The following MOCOS variants were observed in gnomAD, a reference collection of about 807,000 sequenced individuals.
MOCOS encodes the protein molybdenum cofactor sulfurase, also known as human molybdenum cofactor sulfurase.
In MOCOS, 86 loss-of-function variants were observed where a neutral mutation model predicts 83.6. The observed-to-expected ratio is 1.03, with a 90% confidence interval of 0.86 to 1.23. The LOEUF (loss-of-function observed/expected upper bound fraction) is 1.23, where lower values mean the gene tolerates loss of function less well. Among genes scored for constraint, MOCOS ranks in the 50% most tolerant of loss-of-function variants. The pLI is 0.00. For missense variants in MOCOS, 1,120 were observed against 1,126.9 expected, an observed-to-expected ratio of 0.99 and a Z score of 0.09; for synonymous variants, 445 against 434.7, an observed-to-expected ratio of 1.02 and a Z score of -0.29.
At chr18:36,231,599 A>G (rs1052894285) in intron 9 of MOCOS, among the ~76,000 whole-genome samples, 4 of 152,198 alleles carry the variant, frequency 2.6e-5, no homozygotes, top group Non-Finnish European at 1.5e-5. Flanking sequence ...TGATTGATGC[A>G]GGAATCCAAT....
intron 9 of MOCOS, among the ~76,000 whole-genome samples, chr18:36,229,512 G>C (rs150433074): frequency 6.6e-6 from 1 of 152,036 alleles, no homozygotes; most frequent in East Asian, 1.9e-4. Flanking sequence ...GGTATCTGTT[G>C]GGCTTTTTGA....
intron 13 of MOCOS, among the ~76,000 whole-genome samples, chr18:36,260,462 G>A (rs1176486492): frequency 6.6e-6 from 1 of 152,158 alleles, no homozygotes; most frequent in Non-Finnish European, 1.5e-5. Context: ...CTTAAACTCT[G>A]GTTTTTTGGA....
At chr18:36,243,035 G>A (rs970402340) in intron 9 of MOCOS, among the ~76,000 whole-genome samples, 4 of 152,058 alleles carry the variant, frequency 2.6e-5, no homozygotes, top group African/African-American at 9.7e-5. Flanking sequence ...TTTTGCAGCT[G>A]TGGTAAAAGG....
chr18:36,265,132 AC>A (rs1442928096), intron 13 of MOCOS, among the ~76,000 whole-genome samples: 1 of 111,872 alleles, frequency 8.9e-6, no homozygotes. Flanking sequence ...AGACGCTGTT[AC>A]TGGGCAAATG....
chr18:36,193,358 T>TAAAAAAA (rs2091374391), intron 1 of MOCOS, among the ~76,000 whole-genome samples: 1 of 119,880 alleles, frequency 8.3e-6, no homozygotes, highest in Non-Finnish European at 1.7e-5. Flanking sequence ...AAAAAAAAGT[T>TAAAAAAA]ACAGAATGAG....
intron 11 of MOCOS, among the ~76,000 whole-genome samples, chr18:36,252,143 GATGA>G: frequency 6.6e-6 from 1 of 152,116 alleles, no homozygotes; most frequent in South Asian, 2.1e-4. Flanking sequence ...TACATGGCTA[GATGA>G]ATGAATGAAT....
chr18:36,229,783 T>C (rs575059253), intron 9 of MOCOS, among the ~76,000 whole-genome samples: 1 of 152,150 alleles, frequency 6.6e-6, no homozygotes, highest in East Asian at 1.9e-4. Flanking sequence ...TCTAGTCTGC[T>C]GTTGAACCTC....
intron 9 of MOCOS, among the ~76,000 whole-genome samples, chr18:36,228,265 G>T (rs114312281): frequency 0.023 from 3,535 of 152,290 alleles, 113 homozygotes; most frequent in East Asian, 0.13. Context: ...GTGGAAGATA[G>T]TCTGGTGATT....
intron 9 of MOCOS, among the ~76,000 whole-genome samples, chr18:36,247,279 C>T (rs2091606005): frequency 6.6e-6 from 1 of 152,218 alleles, no homozygotes; most frequent in Non-Finnish European, 1.5e-5. Context: ...AGGCTACAAG[C>T]CTCCTGCTGA....
At chr18:36,207,430 G>GT (rs887867798) in intron 6 of MOCOS, among the ~76,000 whole-genome samples, 57 of 151,326 alleles carry the variant, frequency 3.8e-4, no homozygotes, top group African/African-American at 8.7e-4. Context: ...GTGTATAAGT[G>GT]TTTTTTTTTA....
At position 36,213,846 on chromosome 18, in the gene MOCOS, T is replaced by C. The variant is rs1322482681; in HGVS notation, c.1335+364T>C. Among the ~76,000 whole-genome samples the C allele has an allele frequency of 2.6e-5, 4 of 151,918 alleles. 1 individual carries two copies. The highest frequency in any genetic ancestry group is 2.6e-4 in the Admixed American group (4 of 15,276). On this transcript the variant is annotated intron_variant, in intron 7 of 14. Transcript: ENST00000261326. ...TGGGAGGCTGAGGCAGGAGAATCGTTTGAGCCCAGGAGGCAGAGGTTGCAG... is the reference window on the plus strand; with the variant it reads ...TGGGAGGCTGAGGCAGGAGAATCGTCTGAGCCCAGGAGGCAGAGGTTGCAG...
intron 13 of MOCOS, among the ~76,000 whole-genome samples, chr18:36,261,378 A>T (rs55927109): frequency 3.2e-4 from 24 of 75,850 alleles, no homozygotes; most frequent in Middle Eastern, 0.014. Context: ...TTCCAAAATT[A>T]AAAAAAAAAT....
chr18:36,236,294 G>A (rs1426822375), intron 9 of MOCOS, among the ~76,000 whole-genome samples: 736 of 52,858 alleles, frequency 0.014, no homozygotes, highest in East Asian at 0.022. Context: ...AATCCATCTT[G>A]AATTGATTTT....
chr18:36,190,279 T>A (rs2091359898), intron 1 of MOCOS: 1 of 152,216 alleles, frequency 6.6e-6, no homozygotes, highest in African/African-American at 2.4e-5. Context: ...AGTATCTTTT[T>A]GGACTAGCTC....
intron 2 of MOCOS, among the ~76,000 whole-genome samples, chr18:36,197,251 T>A (rs1011090526): frequency 8.5e-5 from 13 of 152,122 alleles, no homozygotes; most frequent in African/African-American, 3.1e-4. Context: ...TTAGATTAAG[T>A]GGCGTTCATG....
chr18:36,237,799 A>AGTTGGTAAG (rs1568062039), intron 9 of MOCOS, among the ~76,000 whole-genome samples: 5 of 149,762 alleles, frequency 3.3e-5, no homozygotes, highest in Admixed American at 2.0e-4. Context: ...GATTATTGCC[A>AGTTGGTAAG]CAATTTCAGC....
Position 36,251,233 on chromosome 18 carries a change from T to G in MOCOS, c.2114T>G (p.Ile705Ser). 2.5e-6 allele frequency: 4 copies of G among 1,614,012 alleles called. No individual in the cohort carries two copies. The highest frequency in any genetic ancestry group is 1.3e-5 in the African/African-American group (1 of 75,032). The change falls in exon 11 of 15, where the codon ATC becomes AGC. Residue 705 changes from isoleucine (I) to serine (S), a missense_variant. Ile to Ser is a moderately radical substitution (Grantham distance 142, BLOSUM62 -2). Transcript: ENST00000261326. ...STFFGRPCHLIKQSSNSQRNA... is the reference protein window; with the variant it reads ...STFFGRPCHLSKQSSNSQRNA... ...TTTTTTGGCCGTCCTTGTCATTTGA[T>G]CAAACAAAGTTCAAACTCTCAAAGG...
chr18:36,227,998 C>A (rs28842490), intron 9 of MOCOS, among the ~76,000 whole-genome samples: 8,703 of 151,982 alleles, frequency 0.057, 839 homozygotes, highest in African/African-American at 0.2. Flanking sequence ...CAAGAAACAA[C>A]CCCATAAAAA....
At chr18:36,209,802 G>A (rs1347181859) in intron 6 of MOCOS, among the ~76,000 whole-genome samples, 1 of 152,178 alleles carries the variant, frequency 6.6e-6, no homozygotes, top group Admixed American at 6.5e-5. Context: ...ATAAACATGT[G>A]TGCGTGTGTC....
Sources: allele counts gnomAD v4.1 joint callset (sites outside exome capture counted in the v4.1 genomes callset), GRCh38; gene constraint gnomAD v4.1.1; transcripts MANE v1.5; gene names NCBI Gene and HGNC (gene_info 2026-07-23, HGNC 2026-07-21).